STIM1: variants seen among roughly 807,000 people sequenced by gnomAD.
The protein encoded by STIM1 is stromal interaction molecule 1.
Under a neutral mutation model 74.7 loss-of-function variants are expected in STIM1, and 25 were observed. The ratio of observed to expected loss-of-function variants is 0.33; its 90% CI spans 0.24 to 0.47. The LOEUF (loss-of-function observed/expected upper bound fraction) is 0.47. STIM1 is among the 20% of genes least tolerant of loss of function. The pLI is 1.00. For synonymous variants in STIM1, 328 were observed against 348.8 expected (o/e 0.94, Z 0.66); for missense variants, 728 against 920.8 (o/e 0.79, Z 2.71).
intron 1 of STIM1, among the ~76,000 whole-genome samples, chr11:3,912,375 T>A (rs933983535): frequency 7.3e-5 from 11 of 151,532 alleles, no homozygotes; most frequent in African/African-American, 2.7e-4. Flanking sequence ...GAATAAATTT[T>A]TTTTTTTGAG....
intron 2 of STIM1, among the ~76,000 whole-genome samples, chr11:4,005,690 G>A (rs1053760583): frequency 3.3e-5 from 5 of 151,620 alleles, no homozygotes; most frequent in African/African-American, 9.7e-5. Context: ...ATAACTAACC[G>A]GCACATTGTG....
intron 1 of STIM1, among the ~76,000 whole-genome samples, chr11:3,863,416 C>T (rs1319645315): frequency 3.3e-5 from 5 of 151,994 alleles, no homozygotes; most frequent in African/African-American, 1.2e-4. Context: ...GCCACCATGC[C>T]TGGCTACTTT....
chr11:4,040,271 T>C (rs1199459416), intron 3 of STIM1, among the ~76,000 whole-genome samples: 3 of 152,224 alleles, frequency 2.0e-5, no homozygotes, highest in Non-Finnish European at 4.4e-5. Flanking sequence ...ACAAGGTCCA[T>C]GCTTATTTCT....
chr11:3,998,913 A>G (rs190531388), intron 2 of STIM1, among the ~76,000 whole-genome samples: 3 of 152,340 alleles, frequency 2.0e-5, no homozygotes, highest in African/African-American at 4.8e-5. Flanking sequence ...CTTTTTCTGT[A>G]AAGGATTAGA....
chr11:4,088,560 A>C (rs2094505991), intron 12 of STIM1: 1 of 718,264 alleles, frequency 1.4e-6, no homozygotes, highest in South Asian at 1.6e-5. Flanking sequence ...GGAGAGGATC[A>C]AATTGGGTTG....
intron 5 of STIM1, among the ~76,000 whole-genome samples, chr11:4,064,596 C>T (rs893218461): frequency 6.6e-6 from 1 of 152,152 alleles, no homozygotes; most frequent in Non-Finnish European, 1.5e-5. Context: ...GACATATCTT[C>T]AATTAAAGGT....
At chr11:4,006,087 T>G (rs1590641442) in intron 2 of STIM1, among the ~76,000 whole-genome samples, 1 of 152,032 alleles carries the variant, frequency 6.6e-6, no homozygotes, top group South Asian at 2.1e-4. Flanking sequence ...GTGCTGGAGG[T>G]GGGGCTGTTA....
At chr11:4,052,630 A>C (rs1356923676) in intron 3 of STIM1, among the ~76,000 whole-genome samples, 1 of 152,358 alleles carries the variant, frequency 6.6e-6, no homozygotes, top group South Asian at 2.1e-4. Flanking sequence ...AAAACCATGA[A>C]AACCCTAGAA....
intron 12 of STIM1, 186 bp downstream of exon 12, chr11:4,086,729 C>A (rs2094495964): frequency 3.9e-6 from 6 of 1,537,870 alleles, no homozygotes; most frequent in Non-Finnish European, 4.4e-6. Flanking sequence ...ACCACCACCA[C>A]CTTCACCACC....
chr11:4,040,274 T>G (rs1476969455), intron 3 of STIM1, among the ~76,000 whole-genome samples: 1 of 152,190 alleles, frequency 6.6e-6, no homozygotes, highest in African/African-American at 2.4e-5. Flanking sequence ...AGGTCCATGC[T>G]TATTTCTCTG....
Position 4,003,986 on chromosome 11 carries a change from T to C in STIM1, c.271-19887T>C, listed in dbSNP as rs553155315. Among the ~76,000 whole-genome samples the C allele has an allele frequency of 1.0e-3, 158 of 152,282 alleles. 1 individual carries two copies. The highest frequency in any genetic ancestry group is 2.9e-3 in the African/African-American group (122 of 41,562). On this transcript the variant is annotated intron_variant, in intron 2 of 12. Transcript: ENST00000526596. ...GCCAAATCATGAGTGAACTCCCATTTGCAATAGCTTCAAAGAGAATAAAAT... is the reference window on the plus strand; with the variant it reads ...GCCAAATCATGAGTGAACTCCCATTCGCAATAGCTTCAAAGAGAATAAAAT...
At chr11:3,942,004 A>G (rs997993653) in intron 1 of STIM1, among the ~76,000 whole-genome samples, 4 of 152,192 alleles carry the variant, frequency 2.6e-5, no homozygotes, top group African/African-American at 9.7e-5. Flanking sequence ...TTTTGAGTAT[A>G]TAAAATGATC....
At position 3,907,021 on chromosome 11, in the gene STIM1, A is replaced by G. The variant is rs558863683; in HGVS notation, c.139+50612A>G. ...TCACTTATCTGATGTTTTAATTGCAAATTTGAAAAGAAGGACAACAGTAAA... is the reference window on the plus strand; with the variant it reads ...TCACTTATCTGATGTTTTAATTGCAGATTTGAAAAGAAGGACAACAGTAAA... On this transcript the variant is annotated intron_variant, in intron 1 of 12. Transcript: ENST00000526596. Among the ~76,000 whole-genome samples, 5 of 152,278 alleles carry G rather than the reference A, an allele frequency of 3.3e-5. No individual in the cohort carries two copies. In the South Asian group the frequency reaches 8.3e-4, roughly 25 times the overall value.
intron 1 of STIM1, among the ~76,000 whole-genome samples, chr11:3,861,029 G>A (rs1024868592): frequency 6.6e-6 from 1 of 152,152 alleles, no homozygotes; most frequent in Non-Finnish European, 1.5e-5. Context: ...TTCCTGGAAA[G>A]GAGGGGTTGG....
intron 1 of STIM1, among the ~76,000 whole-genome samples, chr11:3,878,274 G>T (rs555502325): frequency 6.6e-6 from 1 of 152,102 alleles, no homozygotes; most frequent in Non-Finnish European, 1.5e-5. Context: ...TCTAGGCTAG[G>T]TGCTTTACAC....
intron 1 of STIM1, among the ~76,000 whole-genome samples, chr11:3,911,613 C>G (rs111605222): frequency 0.032 from 4,795 of 152,152 alleles, 105 homozygotes; most frequent in South Asian, 0.08. Flanking sequence ...TCTCAAACTC[C>G]TGGGTTCAAG....
At chr11:3,904,336 G>A (rs999310254) in intron 1 of STIM1, among the ~76,000 whole-genome samples, 2 of 152,084 alleles carry the variant, frequency 1.3e-5, no homozygotes, top group African/African-American at 4.8e-5. Flanking sequence ...CATATTCTGG[G>A]CAGTGTGACT....
At chr11:4,065,193 C>T (rs551841903) in intron 5 of STIM1, among the ~76,000 whole-genome samples, 26 of 152,224 alleles carry the variant, frequency 1.7e-4, no homozygotes, top group African/African-American at 4.3e-4. Context: ...ATAATTGTTG[C>T]GGGTCAGGGG....
intron 5 of STIM1, among the ~76,000 whole-genome samples, chr11:4,064,859 G>A (rs1025979676): frequency 6.6e-6 from 1 of 152,128 alleles, no homozygotes; most frequent in Non-Finnish European, 1.5e-5. Flanking sequence ...TCTAGGGCTC[G>A]CCAAACAGTA....
Sources: allele counts gnomAD v4.1 joint callset (sites outside exome capture counted in the v4.1 genomes callset), GRCh38; gene constraint gnomAD v4.1.1; transcripts MANE v1.5; gene names NCBI Gene and HGNC (gene_info 2026-07-23, HGNC 2026-07-21).